The following KATNIP variants were observed in gnomAD, a reference collection of about 807,000 sequenced individuals.
KATNIP encodes the protein katanin interacting protein, also known as katanin-interacting protein.
KATNIP carries 126 observed loss-of-function variants against 174.0 expected under a neutral mutation model. The ratio of observed to expected loss-of-function variants is 0.72; its 90% CI spans 0.63 to 0.84. KATNIP has a LOEUF of 0.84. Ranked by LOEUF, KATNIP falls within the 40% of genes least tolerant of loss-of-function variation. The pLI is 0.00. For missense variants in KATNIP, 1,958 were observed against 2,109.7 expected, an observed-to-expected ratio of 0.93 and a Z score of 1.41; for synonymous variants, 810 against 835.7, an observed-to-expected ratio of 0.97 and a Z score of 0.53.
intron 1 of KATNIP, among the ~76,000 whole-genome samples, chr16:27,557,912 A>G (rs2089696522): frequency 6.6e-6 from 1 of 152,210 alleles, no homozygotes; most frequent in African/African-American, 2.4e-5. Flanking sequence ...AAGTCTGTTA[A>G]CACCAAATCA....
At chr16:27,661,927 T>TATAC (rs1555467264) in intron 6 of KATNIP, among the ~76,000 whole-genome samples, 11 of 54,968 alleles carry the variant, frequency 2.0e-4, no homozygotes, top group Non-Finnish European at 3.3e-4. Flanking sequence ...TATATATATA[T>TATAC]ATATATATAT....
intron 6 of KATNIP, among the ~76,000 whole-genome samples, chr16:27,668,278 A>G (rs112243714): frequency 1.1e-4 from 17 of 152,148 alleles, no homozygotes; most frequent in Non-Finnish European, 4.4e-5. Context: ...AACTCCCACA[A>G]TTCCCACATG....
chr16:27,690,364 G>A (rs866970295), intron 8 of KATNIP, among the ~76,000 whole-genome samples: 964 of 44,232 alleles, frequency 0.022, 13 homozygotes, highest in African/African-American at 0.073. Context: ...ATAGATAGAT[G>A]ATAGATAGAT....
At chr16:27,569,338 C>T (rs956135277) in intron 1 of KATNIP, among the ~76,000 whole-genome samples, 6 of 152,204 alleles carry the variant, frequency 3.9e-5, no homozygotes, top group Non-Finnish European at 8.8e-5. Context: ...GCAGATAAAA[C>T]CTTGCTGAAA....
chr16:27,743,672 A>G (rs2081187485), intron 15 of KATNIP, among the ~76,000 whole-genome samples: 2 of 152,194 alleles, frequency 1.3e-5, no homozygotes, highest in South Asian at 4.1e-4. Context: ...ACGTTACCCA[A>G]ATAACCTCCC....
intron 6 of KATNIP, among the ~76,000 whole-genome samples, chr16:27,657,808 G>A (rs1409792476): frequency 6.6e-6 from 1 of 152,158 alleles, no homozygotes; most frequent in African/African-American, 2.4e-5. Context: ...TACTTGGGAG[G>A]CTGAGGCAGG....
intron 20 of KATNIP, among the ~76,000 whole-genome samples, chr16:27,766,806 T>C (rs1014182539): frequency 6.6e-6 from 1 of 152,154 alleles, no homozygotes. Flanking sequence ...TGCTGAGGGC[T>C]TCACGGGCAT....
intron 1 of KATNIP, among the ~76,000 whole-genome samples, chr16:27,561,284 A>G (rs1464587015): frequency 1.3e-5 from 2 of 151,904 alleles, no homozygotes; most frequent in East Asian, 1.9e-4. Context: ...CGGCCTCCCA[A>G]AGTGTTGGGA....
intron 7 of KATNIP, chr16:27,679,032 A>G (rs1012923746): frequency 6.6e-6 from 1 of 152,248 alleles, no homozygotes; most frequent in African/African-American, 2.4e-5. Context: ...TGCACCGTCA[A>G]AGCTGGGTGT....
intron 1 of KATNIP, among the ~76,000 whole-genome samples, chr16:27,563,621 A>AGGCTTGGATTCTT (rs1440502870): frequency 6.6e-6 from 1 of 152,164 alleles, no homozygotes; most frequent in Non-Finnish European, 1.5e-5. Flanking sequence ...GGTCAGAATG[A>AGGCTTGGATTCTT]GGCTTGGATT....
intron 5 of KATNIP, among the ~76,000 whole-genome samples, chr16:27,634,814 G>A (rs551664865): frequency 4.6e-5 from 7 of 152,288 alleles, no homozygotes; most frequent in Admixed American, 2.0e-4. Flanking sequence ...TCCATTGCAC[G>A]ATGCTGGCAA....
Position 27,676,349 on chromosome 16 carries a change from G to T in KATNIP, c.541-1380G>T, listed in dbSNP as rs59249338. On this transcript the variant is annotated intron_variant, in intron 6 of 27. Coordinates refer to ENST00000261588, the MANE Select transcript of KATNIP (RefSeq NM_015202.5). ...ATGTTCATTTCCTGAGTCCTCACCA[G>T]TGGTGCCTGTAACATCTATATTTCT... 2.5e-3 allele frequency among the ~76,000 whole-genome samples: 385 copies of T among 152,270 alleles called. 2 individuals are homozygous for T. Among genetic ancestry groups the T allele is most frequent in the African/African-American group, 8.8e-3 (366 of 41,550 alleles).
rs145626478 is a variant in KATNIP at position 27,565,500 on chromosome 16, G to A, written c.8-8401G>A. Among the ~76,000 whole-genome samples, 184 of 151,710 alleles carry A rather than the reference G, an allele frequency of 1.2e-3. 2 individuals carry two copies. In the East Asian group the frequency reaches 0.034, roughly 28 times the overall value. Reference sequence around the variant, plus strand: ...AAAAAAGGAAAGAAAAGAAATAATGGGAAAGTCAGGCATGCTGCTTCACGC... The same window carrying A: ...AAAAAAGGAAAGAAAAGAAATAATGAGAAAGTCAGGCATGCTGCTTCACGC... On this transcript the variant is annotated intron_variant, in intron 1 of 27. Coordinates refer to ENST00000261588, the MANE Select transcript of KATNIP (RefSeq NM_015202.5).
intron 5 of KATNIP, among the ~76,000 whole-genome samples, chr16:27,639,297 C>T (rs773838604): frequency 9.8e-5 from 15 of 152,332 alleles, no homozygotes; most frequent in South Asian, 2.1e-4. Context: ...CGAGCTGCCA[C>T]CTTCCCTGTG....
chr16:27,554,178 A>G (rs1257929932), intron 1 of KATNIP, among the ~76,000 whole-genome samples: 4 of 152,042 alleles, frequency 2.6e-5, no homozygotes, highest in Non-Finnish European at 5.9e-5. Context: ...ACAAATGTCA[A>G]CACAGCCAGA....
At chr16:27,676,249 AG>A (rs1212308258) in intron 6 of KATNIP, among the ~76,000 whole-genome samples, 1 of 152,234 alleles carries the variant, frequency 6.6e-6, no homozygotes, top group African/African-American at 2.4e-5. Context: ...TGCTTTCCAC[AG>A]CACTGTAGGA....
intron 14 of KATNIP, among the ~76,000 whole-genome samples, chr16:27,732,012 G>C (rs1227596717): frequency 1.3e-5 from 2 of 152,176 alleles, no homozygotes; most frequent in Non-Finnish European, 2.9e-5. Flanking sequence ...CGCCGACCCG[G>C]TATTGCCACA....
At chr16:27,665,297 G>A (rs531719263) in intron 6 of KATNIP, among the ~76,000 whole-genome samples, 2 of 151,846 alleles carry the variant, frequency 1.3e-5, no homozygotes, top group African/African-American at 4.8e-5. Context: ...TAGAGATGGG[G>A]TTTCACCATG....
intron 19 of KATNIP, among the ~76,000 whole-genome samples, chr16:27,762,094 G>A (rs2081975518): frequency 6.6e-6 from 1 of 152,148 alleles, no homozygotes; most frequent in Admixed American, 6.5e-5. Context: ...CGTCAAGTCA[G>A]TAGGTGGGGA....
Sources: allele counts gnomAD v4.1 joint callset (sites outside exome capture counted in the v4.1 genomes callset), GRCh38; gene constraint gnomAD v4.1.1; transcripts MANE v1.5; gene names NCBI Gene and HGNC (gene_info 2026-07-23, HGNC 2026-07-21).